KCND2: variants seen among roughly 807,000 people sequenced by gnomAD.
KCND2 encodes potassium voltage-gated channel subfamily D member 2.
KCND2 carries 16 observed loss-of-function variants against 54.4 expected under a neutral mutation model. That is an observed-to-expected ratio of 0.29 (90% CI 0.20 to 0.45). KCND2 has a LOEUF of 0.45. Ranked by LOEUF, KCND2 falls within the 20% of genes least tolerant of loss-of-function variation. KCND2 has a pLI of 1.00. For synonymous variants in KCND2, 317 were observed against 310.7 expected (o/e 1.02, Z -0.21); for missense variants, 486 against 824.2 (o/e 0.59, Z 5.02).
chr7:120,334,104 C>T (rs2116352592), intron 1 of KCND2, among the ~76,000 whole-genome samples: 1 of 152,180 alleles, frequency 6.6e-6, no homozygotes, highest in South Asian at 2.1e-4. Context: ...CAATGGACAG[C>T]TCTGTAAGAG....
intron 1 of KCND2, among the ~76,000 whole-genome samples, chr7:120,310,064 C>G (rs1197924194): frequency 6.6e-6 from 1 of 152,212 alleles, no homozygotes; most frequent in Non-Finnish European, 1.5e-5. Context: ...TACTTTACTT[C>G]CATGCTTGCA....
intron 1 of KCND2, among the ~76,000 whole-genome samples, chr7:120,607,034 T>C (rs542592484): frequency 6.6e-6 from 1 of 152,160 alleles, no homozygotes; most frequent in Non-Finnish European, 1.5e-5. Context: ...CTGATTTTCA[T>C]GTTAAACTAA....
At chr7:120,390,648 C>A (rs1801059907) in intron 1 of KCND2, among the ~76,000 whole-genome samples, 1 of 151,964 alleles carries the variant, frequency 6.6e-6, no homozygotes, top group Non-Finnish European at 1.5e-5. Context: ...TACTAAGTAA[C>A]ATAGCCCAAA....
chr7:120,459,718 G>A (rs1237086591), intron 1 of KCND2, among the ~76,000 whole-genome samples: 2 of 152,102 alleles, frequency 1.3e-5, no homozygotes, highest in East Asian at 1.9e-4. Context: ...CCAAATGAAG[G>A]ATAAAAACAC....
intron 1 of KCND2, among the ~76,000 whole-genome samples, chr7:120,704,287 A>C (rs79260059): frequency 0.06 from 9,174 of 152,218 alleles, 772 homozygotes; most frequent in East Asian, 0.42. Flanking sequence ...TCAGAATTTC[A>C]TAATATTCTG....
At chr7:120,450,835 A>G (rs183373805) in intron 1 of KCND2, among the ~76,000 whole-genome samples, 42 of 152,288 alleles carry the variant, frequency 2.8e-4, no homozygotes, top group East Asian at 2.7e-3. Flanking sequence ...AAGTGAATTA[A>G]TATTGTTGCT....
intron 1 of KCND2, among the ~76,000 whole-genome samples, chr7:120,724,707 A>C (rs772866305): frequency 2.0e-5 from 3 of 152,176 alleles, no homozygotes; most frequent in Non-Finnish European, 2.9e-5. Context: ...CAGGCAACAA[A>C]GACTAGGAAC....
chr7:120,657,328 C>T (rs557914319), intron 1 of KCND2, among the ~76,000 whole-genome samples: 42 of 152,100 alleles, frequency 2.8e-4, no homozygotes, highest in South Asian at 8.3e-4. Context: ...TCATAACAGA[C>T]GTGAAAACAG....
intron 1 of KCND2, among the ~76,000 whole-genome samples, chr7:120,370,700 G>C (rs1209354562): frequency 6.6e-6 from 1 of 151,972 alleles, no homozygotes; most frequent in Admixed American, 6.6e-5. Flanking sequence ...AGAAAAATCA[G>C]TTCCTTGTCC....
intron 1 of KCND2, among the ~76,000 whole-genome samples, chr7:120,432,118 C>A (rs971703129): frequency 6.6e-6 from 1 of 152,072 alleles, no homozygotes; most frequent in Non-Finnish European, 1.5e-5. Flanking sequence ...TGAATATTGT[C>A]ATTACTTGTT....
intron 1 of KCND2, among the ~76,000 whole-genome samples, chr7:120,343,680 A>C (rs1185585638): frequency 6.6e-6 from 1 of 152,216 alleles, no homozygotes; most frequent in Non-Finnish European, 1.5e-5. Flanking sequence ...ATGTTATTTT[A>C]AGCCATAAGT....
intron 1 of KCND2, among the ~76,000 whole-genome samples, chr7:120,316,505 C>G: frequency 6.6e-6 from 1 of 152,226 alleles, no homozygotes; most frequent in East Asian, 1.9e-4. Flanking sequence ...TTCAGCATCA[C>G]ACGTGTAGGA....
intron 1 of KCND2, among the ~76,000 whole-genome samples, chr7:120,623,165 T>A (rs1793122647): frequency 6.6e-6 from 1 of 152,222 alleles, no homozygotes; most frequent in Non-Finnish European, 1.5e-5. Context: ...ATGCAGATAC[T>A]AGTTACTGTA....
At chr7:120,436,640 G>A (rs1801869957) in intron 1 of KCND2, among the ~76,000 whole-genome samples, 1 of 152,098 alleles carries the variant, frequency 6.6e-6, no homozygotes, top group African/African-American at 2.4e-5. Context: ...ATGCCAGGTG[G>A]GGGGCCATCT....
chr7:120,289,507 T>C lies in KCND2; in HGVS notation c.1115+13760T>C, dbSNP rs116126740. ...AGTCTGAATTTTGAAATATGAAGTA[T>C]TTCTGGGAGGATAACAGGGAAAATA... On this transcript the variant is annotated intron_variant, in intron 1 of 5. Transcript: ENST00000331113. 7.9e-3 allele frequency among the ~76,000 whole-genome samples: 1,200 copies of C among 152,166 alleles called. 12 individuals carry two copies. The highest frequency in any genetic ancestry group is 0.027 in the African/African-American group (1,118 of 41,520).
At chr7:120,572,570 T>C (rs1792379348) in intron 1 of KCND2, among the ~76,000 whole-genome samples, 1 of 151,954 alleles carries the variant, frequency 6.6e-6, no homozygotes. Context: ...TAGGCTGGAG[T>C]TCAGTGGCGT....
intron 1 of KCND2, among the ~76,000 whole-genome samples, chr7:120,390,691 T>C (rs1801060658): frequency 6.6e-6 from 1 of 152,000 alleles, no homozygotes; most frequent in Admixed American, 6.6e-5. Flanking sequence ...TCCTTCATTT[T>C]GTTTATCAAA....
chr7:120,311,834 C>T (rs926110762), intron 1 of KCND2, among the ~76,000 whole-genome samples: 3 of 152,092 alleles, frequency 2.0e-5, no homozygotes, highest in Non-Finnish European at 4.4e-5. Flanking sequence ...GTTTTCTGTT[C>T]CTGTGTTAGT....
chr7:120,480,970 A>T, intron 1 of KCND2, among the ~76,000 whole-genome samples: 1 of 152,192 alleles, frequency 6.6e-6, no homozygotes, highest in East Asian at 1.9e-4. Context: ...CATTAATGGA[A>T]CATCAAGTAT....
Sources: allele counts gnomAD v4.1 joint callset (sites outside exome capture counted in the v4.1 genomes callset), GRCh38; gene constraint gnomAD v4.1.1; transcripts MANE v1.5; gene names NCBI Gene and HGNC (gene_info 2026-07-23, HGNC 2026-07-21).